The following STAU2 variants were observed in gnomAD, a reference collection of about 807,000 sequenced individuals.
The protein encoded by STAU2 is staufen double-stranded RNA binding protein 2.
A neutral mutation model predicts 65.9 loss-of-function variants in STAU2; 20 were observed. That is an observed-to-expected ratio of 0.30 (90% confidence interval 0.21 to 0.44). STAU2 has a LOEUF of 0.44. STAU2 is among the 20% of genes least tolerant of loss of function. The probability of loss-of-function intolerance (pLI) is 1.00; values close to 1 mark genes in which losing one functional copy is unlikely to be tolerated. For missense variants in STAU2, 558 were observed against 683.9 expected (o/e 0.82, Z 2.05); for synonymous variants, 232 against 233.9 (o/e 0.99, Z 0.07).
intron 7 of STAU2, 58 bp downstream of exon 7, chr8:73,617,234 T>C: frequency 6.3e-7 from 1 of 1,577,184 alleles, no homozygotes; most frequent in East Asian, 2.2e-5. Flanking sequence ...TAAAATGCTC[T>C]GATTTGTTTC....
chr8:73,676,354 A>G (rs774751829), intron 5 of STAU2, among the ~76,000 whole-genome samples: 1 of 152,216 alleles, frequency 6.6e-6, no homozygotes, highest in Non-Finnish European at 1.5e-5. Context: ...GAATGTCCAT[A>G]TATTTTTTAA....
intron 13 of STAU2, among the ~76,000 whole-genome samples, chr8:73,518,563 C>T (rs556505390): frequency 6.6e-6 from 1 of 152,232 alleles, no homozygotes; most frequent in East Asian, 1.9e-4. Flanking sequence ...ATTCAAATTC[C>T]ATATAATTTT....
intron 13 of STAU2, among the ~76,000 whole-genome samples, chr8:73,479,472 G>GCACACACACAAACACA (rs6150656): frequency 9.3e-5 from 13 of 139,842 alleles, no homozygotes; most frequent in African/African-American, 3.5e-4. Context: ...TCCCTATTCT[G>GCACACACACAAACACA]CACACACACA....
intron 6 of STAU2, among the ~76,000 whole-genome samples, chr8:73,648,780 T>C (rs1338151228): frequency 6.6e-6 from 1 of 152,194 alleles, no homozygotes; most frequent in Non-Finnish European, 1.5e-5. Flanking sequence ...GTCTTTCAGT[T>C]GTGTCTTGTT....
chr8:73,529,913 C>G (rs961971443), intron 13 of STAU2, among the ~76,000 whole-genome samples: 2 of 152,172 alleles, frequency 1.3e-5, no homozygotes, highest in African/African-American at 4.8e-5. Flanking sequence ...ATTTTCCAGG[C>G]TCCCTTGCAA....
chr8:73,638,377 A>C (rs1453127261), intron 6 of STAU2, among the ~76,000 whole-genome samples: 1 of 141,430 alleles, frequency 7.1e-6, no homozygotes, highest in African/African-American at 2.7e-5. Context: ...AGCTATTTCT[A>C]TCCCAACAGT....
chr8:73,528,374 A>G (rs139226877), intron 13 of STAU2, among the ~76,000 whole-genome samples: 111 of 152,328 alleles, frequency 7.3e-4, no homozygotes, highest in Middle Eastern at 3.4e-3. Flanking sequence ...AAGTGGTCAC[A>G]ATATTATCTT....
chr8:73,478,098 C>T (rs1228965877), intron 13 of STAU2, among the ~76,000 whole-genome samples: 2 of 150,020 alleles, frequency 1.3e-5, no homozygotes, highest in Non-Finnish European at 3.0e-5. Flanking sequence ...TTTGCAAGTG[C>T]TCACAATTTG....
At chr8:73,747,335 G>A, upstream of STAU2, 4 of 1,525,708 alleles carry the variant, frequency 2.6e-6, no homozygotes. Context: ...CCGCCCGACT[G>A]ACCGTCTGCT....
At chr8:73,433,994 T>C (rs111914458) in intron 13 of STAU2, among the ~76,000 whole-genome samples, 67 of 151,814 alleles carry the variant, frequency 4.4e-4, no homozygotes, top group African/African-American at 1.6e-3. Context: ...TTACTTCCCA[T>C]GGCAAAAGGG....
At chr8:73,435,778 G>A (rs1156748707) in intron 13 of STAU2, among the ~76,000 whole-genome samples, 1 of 151,926 alleles carries the variant, frequency 6.6e-6, no homozygotes. Context: ...GCCAGTCTGG[G>A]GTCTGCAAAG....
intron 3 of STAU2, among the ~76,000 whole-genome samples, chr8:73,731,803 G>A (rs968231864): frequency 2.9e-4 from 44 of 152,170 alleles, no homozygotes; most frequent in East Asian, 3.9e-4. Context: ...GCCAGGTGCG[G>A]TGGTGCACGT....
rs192063022 is a variant in STAU2, at chr8:73,434,069, G to T, written c.1531-11367C>A. ...AAGGTTAGCCTTGGGTTCTCCCGGGGTCCACTGCAATGACACAAGTGCTTA... is the reference window on the plus strand; with the variant it reads ...AAGGTTAGCCTTGGGTTCTCCCGGGTTCCACTGCAATGACACAAGTGCTTA... On this transcript the variant is annotated intron_variant, in intron 13 of 14. Coordinates refer to ENST00000524300, the MANE Select transcript of STAU2 (RefSeq NM_001164380.2). 2.6e-5 allele frequency among the ~76,000 whole-genome samples: 4 copies of T among 152,022 alleles called. No individual in the cohort carries two copies. The South Asian group carries it at 6.2e-4, about 24-fold the overall frequency.
intron 13 of STAU2, among the ~76,000 whole-genome samples, chr8:73,438,231 A>G (rs903683030): frequency 1.7e-4 from 26 of 152,164 alleles, no homozygotes; most frequent in Non-Finnish European, 2.9e-4. Flanking sequence ...ATGGCCATGC[A>G]TTCAACAAAC....
chr8:73,620,022 TACA>T, intron 6 of STAU2, among the ~76,000 whole-genome samples: 1 of 152,336 alleles, frequency 6.6e-6, no homozygotes, highest in South Asian at 2.1e-4. Context: ...GCTTTTTGGT[TACA>T]ACAATTAAAT....
chr8:73,547,943 C>A (rs1487693678), intron 13 of STAU2, among the ~76,000 whole-genome samples: 1 of 151,458 alleles, frequency 6.6e-6, no homozygotes, highest in African/African-American at 2.4e-5. Context: ...ATGGTATAAC[C>A]ATTATTTATA....
intron 6 of STAU2, chr8:73,651,709 A>G: frequency 2.2e-6 from 1 of 460,774 alleles, no homozygotes; most frequent in Admixed American, 3.4e-5. Context: ...AAAGCCCAGG[A>G]AGTGGCATGC....
intron 13 of STAU2, among the ~76,000 whole-genome samples, chr8:73,489,911 C>G (rs369732199): frequency 6.6e-6 from 1 of 151,986 alleles, no homozygotes; most frequent in South Asian, 2.1e-4. Flanking sequence ...GGAAGTAATA[C>G]TTTTCATGAG....
chr8:73,545,240 T>C (rs952078939), intron 13 of STAU2, among the ~76,000 whole-genome samples: 5 of 152,216 alleles, frequency 3.3e-5, no homozygotes, highest in Admixed American at 6.5e-5. Flanking sequence ...ATGGTTCAAA[T>C]GTTCCATTTT....
Sources: allele counts gnomAD v4.1 joint callset (sites outside exome capture counted in the v4.1 genomes callset), GRCh38; gene constraint gnomAD v4.1.1; transcripts MANE v1.5; gene names NCBI Gene and HGNC (gene_info 2026-07-23, HGNC 2026-07-21).